Variants in GOPC observed in about 807,000 individuals in gnomAD.
The protein encoded by GOPC is Golgi-associated PDZ and coiled-coil motif-containing protein.
In GOPC, 32 loss-of-function variants were observed where a neutral mutation model predicts 51.2. The ratio of observed to expected loss-of-function variants is 0.63; its 90% CI spans 0.47 to 0.84. The LOEUF is 0.84. Ranked by LOEUF, GOPC falls within the 40% of genes least tolerant of loss-of-function variation. The pLI is 0.00. For missense variants in GOPC, 441 were observed against 555.5 expected (o/e 0.79, Z 2.07); for synonymous variants, 190 against 205.1 (o/e 0.93, Z 0.63).
At chr6:117,585,865 A>G (rs1017114105) in intron 1 of GOPC, among the ~76,000 whole-genome samples, 3 of 152,252 alleles carry the variant, frequency 2.0e-5, no homozygotes, top group African/African-American at 7.2e-5. Flanking sequence ...AGGTACAGAT[A>G]TGCAAGCAAA....
At chr6:117,589,310 T>C (rs1780080013) in intron 1 of GOPC, among the ~76,000 whole-genome samples, 1 of 152,228 alleles carries the variant, frequency 6.6e-6, no homozygotes, top group South Asian at 2.1e-4. Context: ...ATTTATGTTT[T>C]CTTATTTTTT....
chr6:117,592,901 A>G (rs1780138733), intron 1 of GOPC, among the ~76,000 whole-genome samples: 1 of 152,134 alleles, frequency 6.6e-6, no homozygotes, highest in Non-Finnish European at 1.5e-5. Flanking sequence ...TTAGTCTTCA[A>G]TTTATCTCCT....
chr6:117,598,242 C>T (rs1411374006), intron 1 of GOPC, among the ~76,000 whole-genome samples: 1 of 150,978 alleles, frequency 6.6e-6, no homozygotes, highest in East Asian at 1.9e-4. Context: ...AGTATAGTAG[C>T]TCATGCCTGT....
chr6:117,566,728 G>A lies in GOPC; in HGVS notation c.1258+126C>T, dbSNP rs1359944482. On this transcript the variant is annotated intron_variant, in intron 8 of 8. Transcript: ENST00000368498. ...TAGTATACAATAAAACAATAAACAA[G>A]GGAAAGCTCTTCATTCCTTTGATTT... 5.2e-6 allele frequency: 3 copies of A among 572,412 alleles called. No homozygotes were observed. The African/African-American group carries it at 5.7e-5, about 11-fold the overall frequency. The allele number at this position is 572,412 out of a possible 1,614,324, so 35.5% of individuals were successfully genotyped here.
intron 2 of GOPC, among the ~76,000 whole-genome samples, chr6:117,578,493 C>G (rs1779914284): frequency 6.6e-6 from 1 of 152,012 alleles, no homozygotes; most frequent in Admixed American, 6.6e-5. Flanking sequence ...GCTGCCGTAT[C>G]AACTCTAGAC....
At chr6:117,585,652 A>G (rs1213978169) in intron 1 of GOPC, among the ~76,000 whole-genome samples, 3 of 152,200 alleles carry the variant, frequency 2.0e-5, no homozygotes, top group African/African-American at 4.8e-5. Flanking sequence ...AAAAATGGGG[A>G]AGATGTAGTC....
intron 7 of GOPC, 124 bp downstream of exon 7, chr6:117,569,448 A>C: frequency 1.5e-6 from 2 of 1,296,902 alleles, no homozygotes; most frequent in South Asian, 1.5e-5. Flanking sequence ...GCATTAAATC[A>C]AAGGAAACAA....
rs528379156 is a variant in GOPC at position 117,586,305 on chromosome 6, TTGAG to T, written c.286-7245_286-7242del. 8.5e-5 allele frequency among the ~76,000 whole-genome samples: 13 copies of T among 152,164 alleles called. No individual in the cohort carries two copies. The South Asian group carries it at 2.5e-3, about 29-fold the overall frequency. On this transcript the variant is annotated intron_variant, in intron 1 of 8. Transcript: ENST00000368498. ...ATAAAAAATACTAATGTATTAGTTA[TTGAG>T]TACTATATTAAATTTAATATAGTAA... is the stretch of plus-strand genomic sequence containing the variant.
chr6:117,569,350 A>G (rs1779761018), intron 7 of GOPC, among the ~76,000 whole-genome samples: 1 of 152,238 alleles, frequency 6.6e-6, no homozygotes, highest in African/African-American at 2.4e-5. Context: ...TGAGGGACAG[A>G]GGACTTAAGT....
Position 117,562,867 on chromosome 6 carries a change from C to A in GOPC, c.*387G>T. 1 of 223,504 alleles carries A rather than the reference C, an allele frequency of 4.5e-6. No individual in the cohort carries two copies. The highest frequency in any genetic ancestry group is 8.9e-6 in the Non-Finnish European group (1 of 112,018). The allele number at this position is 223,504 out of a possible 1,614,324, so 13.8% of individuals were successfully genotyped here. On this transcript the variant is annotated 3_prime_UTR_variant, in exon 9 of 9. Coordinates refer to ENST00000368498, the MANE Select transcript of GOPC (RefSeq NM_020399.4). Reference sequence around the variant, plus strand: ...CATTCTAGAATATAAAATATGAATTCACTTACTCTCTGTATTTTAAAGGGT... The same window carrying A: ...CATTCTAGAATATAAAATATGAATTAACTTACTCTCTGTATTTTAAAGGGT...
At chr6:117,579,845 A>G (rs1374349954) in intron 1 of GOPC, among the ~76,000 whole-genome samples, 1 of 151,950 alleles carries the variant, frequency 6.6e-6, no homozygotes, top group Non-Finnish European at 1.5e-5. Context: ...GCACAATGAG[A>G]AAAAAAATTG....
At chr6:117,592,670 T>C (rs1204331478) in intron 1 of GOPC, among the ~76,000 whole-genome samples, 1 of 152,162 alleles carries the variant, frequency 6.6e-6, no homozygotes, top group African/African-American at 2.4e-5. Flanking sequence ...TCCACTATAA[T>C]CTTACCTCCA....
intron 1 of GOPC, among the ~76,000 whole-genome samples, chr6:117,590,525 T>A (rs1032755661): frequency 7.1e-6 from 1 of 141,656 alleles, no homozygotes; most frequent in African/African-American, 2.7e-5. Flanking sequence ...TAAGCCATGA[T>A]CGTGTCACTA....
chr6:117,592,964 C>CA (rs1301528586), intron 1 of GOPC, among the ~76,000 whole-genome samples: 1 of 152,200 alleles, frequency 6.6e-6, no homozygotes, highest in African/African-American at 2.4e-5. Context: ...GTCTGTATAA[C>CA]AAACTCCTTT....
At chr6:117,599,338 A>C (rs1161396020) in intron 1 of GOPC, among the ~76,000 whole-genome samples, 1 of 152,236 alleles carries the variant, frequency 6.6e-6, no homozygotes, top group African/African-American at 2.4e-5. Context: ...CTTTTCCTAA[A>C]AAGTAAAAAA....
In GOPC at chr6:117,598,209, A is replaced by T. The variant is rs993946245; in HGVS notation, c.285+3795T>A. ...CCCCATCTCTACTAAAAAAAAAAAAAAATAAAATAGAAAAATTAGCTGAGT... is the reference window on the plus strand; with the variant it reads ...CCCCATCTCTACTAAAAAAAAAAAATAATAAAATAGAAAAATTAGCTGAGT... On this transcript the variant is annotated intron_variant, in intron 1 of 8. Transcript: ENST00000368498. Among the ~76,000 whole-genome samples, 9 of 151,124 alleles carry T rather than the reference A, an allele frequency of 6.0e-5. 1 individual carries two copies. Among genetic ancestry groups the T allele is most frequent in the Admixed American group, 1.3e-4 (2 of 15,176 alleles).
At position 117,602,184 on chromosome 6, in the gene GOPC, C is replaced by T. The variant is rs1466327857; in HGVS notation, c.105G>A (p.Glu35=). The change falls in exon 1 of 9, where the codon GAG becomes GAA. Residue 35 remains glutamate (E), a synonymous_variant. Coordinates refer to ENST00000368498, the MANE Select transcript of GOPC (RefSeq NM_020399.4). ...CTTTGTCGAACTCCTTCTCCAGCAC[C>T]TCCAGCCACCGGAACATGGATACCC... ...PGGVSMFRWL[E]VLEKEFDKAF... 13 of 1,612,592 alleles carry T rather than the reference C, an allele frequency of 8.1e-6. No individual in the cohort carries two copies. Among genetic ancestry groups the T allele is most frequent in the Admixed American group, 3.3e-5 (2 of 60,016 alleles).
intron 3 of GOPC, 38 bp downstream of exon 3, chr6:117,577,410 C>A: frequency 1.3e-6 from 2 of 1,572,238 alleles, no homozygotes; most frequent in Non-Finnish European, 1.7e-6. Flanking sequence ...AACACTTCAG[C>A]GTGACATATT....
At chr6:117,573,271 C>A (rs879924367) in intron 5 of GOPC, among the ~76,000 whole-genome samples, 196 bp downstream of exon 5, 1 of 152,196 alleles carries the variant, frequency 6.6e-6, no homozygotes, top group Non-Finnish European at 1.5e-5. Flanking sequence ...ACTCTCAGGG[C>A]ATTAGTAAGT....
Sources: allele counts gnomAD v4.1 joint callset (sites outside exome capture counted in the v4.1 genomes callset), GRCh38; gene constraint gnomAD v4.1.1; transcripts MANE v1.5; gene names NCBI Gene and HGNC (gene_info 2026-07-23, HGNC 2026-07-21).